The following CIDEC variants were observed in gnomAD, a reference collection of about 807,000 sequenced individuals.
CIDEC encodes lipid transferase CIDEC.
Under a neutral mutation model 21.9 loss-of-function variants are expected in CIDEC, and 11 were observed. The ratio of observed to expected loss-of-function variants is 0.50; its 90% confidence interval spans 0.32 to 0.83. CIDEC has a LOEUF of 0.83. CIDEC is among the 40% of genes least tolerant of loss of function. CIDEC has a pLI of 0.04. For missense variants in CIDEC, 302 were observed against 302.3 expected, an observed-to-expected ratio of 1.00 and a Z score of 0.01; for synonymous variants, 127 against 124.9, an observed-to-expected ratio of 1.02 and a Z score of -0.11.
In CIDEC at chr3:9,871,924, C is replaced by G; in HGVS notation, c.208-1602G>C. ...GGATTATAGGCATGAGCCACTGCAC[C>G]AGGCCCAAAAATCTTTTTTTCGTTT... On this transcript the variant is annotated intron_variant, in intron 4 of 6. Coordinates refer to ENST00000336832, the MANE Select transcript of CIDEC (RefSeq NM_001321142.2). Among the ~76,000 whole-genome samples, 2 of 151,808 alleles carry G rather than the reference C, an allele frequency of 1.3e-5. 1 individual carries two copies. Among genetic ancestry groups the G allele is most frequent in the Admixed American group, 1.3e-4 (2 of 15,248 alleles).
intron 6 of CIDEC, 139 bp from the exon 7 acceptor site, chr3:9,867,435 C>A (rs1039720071): frequency 1.0e-5 from 8 of 801,972 alleles, no homozygotes; most frequent in Non-Finnish European, 1.7e-5. Flanking sequence ...GCATGGCCAA[C>A]ATGGCGAATC....
chr3:9,876,369 G>A (rs1183538531), intron 4 of CIDEC, among the ~76,000 whole-genome samples: 1 of 152,130 alleles, frequency 6.6e-6, no homozygotes, highest in Non-Finnish European at 1.5e-5. Context: ...AGCTTCTTGG[G>A]AGGCTGAGGC....
At chr3:9,871,546 C>A (rs2082347841) in intron 4 of CIDEC, among the ~76,000 whole-genome samples, 1 of 151,990 alleles carries the variant, frequency 6.6e-6, no homozygotes, top group African/African-American at 2.4e-5. Flanking sequence ...CATTTTACAT[C>A]CCCACTAGCA....
At chr3:9,878,847 T>C in intron 2 of CIDEC, 95 bp downstream of exon 2, 1 of 1,534,418 alleles carries the variant, frequency 6.5e-7, no homozygotes, top group Non-Finnish European at 8.7e-7. Context: ...GAAGAAGCCT[T>C]GCCCGATTTG....
rs1290117050 is a variant in CIDEC, at chr3:9,869,986, C to G, written c.450G>C (p.Leu150=). 1 of 1,614,206 alleles carries G rather than the reference C, an allele frequency of 6.2e-7. No homozygotes were observed. The highest frequency in any genetic ancestry group is 8.5e-7 in the Non-Finnish European group (1 of 1,180,028). The part of the protein sequence containing the change: ...VARVTFDLYK[L]NPQDFIGCLN... Reference sequence around the variant, plus strand: ...GGCAGCCAATGAAGTCCTGTGGGTTCAGCTTGTACAGATCAAACGTTACAC... The same window carrying G: ...GGCAGCCAATGAAGTCCTGTGGGTTGAGCTTGTACAGATCAAACGTTACAC... The change falls in exon 6 of 7, where the codon CTG becomes CTC. Residue 150 remains leucine, a synonymous_variant. Coordinates refer to ENST00000336832, the MANE Select transcript of CIDEC (RefSeq NM_001321142.2).
intron 4 of CIDEC, among the ~76,000 whole-genome samples, chr3:9,876,788 A>G (rs2082429818): frequency 6.6e-6 from 1 of 150,416 alleles, no homozygotes; most frequent in Admixed American, 6.6e-5. Context: ...AAAAAAACTA[A>G]TGGAAGTGGG....
intron 1 of CIDEC, among the ~76,000 whole-genome samples, chr3:9,879,626 C>A (rs992915930): frequency 6.6e-6 from 1 of 152,212 alleles, no homozygotes; most frequent in Non-Finnish European, 1.5e-5. Context: ...CCTCTGTGCT[C>A]CAACTCTTGA....
chr3:9,878,400 G>T (rs1559253946), intron 3 of CIDEC, 34 bp downstream of exon 3: 2 of 1,492,652 alleles, frequency 1.3e-6, no homozygotes, highest in Non-Finnish European at 1.9e-6. Context: ...CTCATAGGTG[G>T]CTCTCTTTCC....
chr3:9,871,015 C>T (rs2082340789), intron 4 of CIDEC, among the ~76,000 whole-genome samples: 1 of 151,238 alleles, frequency 6.6e-6, no homozygotes, highest in Non-Finnish European at 1.5e-5. Context: ...ATCTATTTAT[C>T]AGTGGATGAA....
At chr3:9,868,066 G>GATACCAC (rs2082297531) in intron 6 of CIDEC, among the ~76,000 whole-genome samples, 1 of 152,140 alleles carries the variant, frequency 6.6e-6, no homozygotes. Context: ...TACCACTGAG[G>GATACCAC]TGGTAGCACT....
At chr3:9,867,840 A>G (rs1043915109) in intron 6 of CIDEC, among the ~76,000 whole-genome samples, 4 of 148,668 alleles carry the variant, frequency 2.7e-5, no homozygotes, top group African/African-American at 1.0e-4. Context: ...TGAGGCACGA[A>G]AATCACTTGA....
intron 4 of CIDEC, among the ~76,000 whole-genome samples, chr3:9,871,596 C>G (rs1435083019): frequency 1.3e-5 from 2 of 151,924 alleles, no homozygotes; most frequent in Non-Finnish European, 2.9e-5. Flanking sequence ...CTCACTGATG[C>G]TTTCATTGTC....
intron 4 of CIDEC, among the ~76,000 whole-genome samples, chr3:9,870,730 C>G (rs1027985670): frequency 6.6e-6 from 1 of 152,170 alleles, no homozygotes; most frequent in African/African-American, 2.4e-5. Context: ...GCCTCCAACT[C>G]TTGGGCACAA....
intron 4 of CIDEC, among the ~76,000 whole-genome samples, chr3:9,870,814 T>C (rs944795367): frequency 3.9e-5 from 6 of 152,154 alleles, no homozygotes; most frequent in African/African-American, 1.2e-4. Context: ...CTAATGTTTA[T>C]GTTTTTTTAA....
intron 6 of CIDEC, among the ~76,000 whole-genome samples, chr3:9,868,791 C>T (rs2082306653): frequency 6.6e-6 from 1 of 152,070 alleles, no homozygotes; most frequent in Non-Finnish European, 1.5e-5. Context: ...GGGAAAAAGC[C>T]CAATTTTGTA....
At chr3:9,871,333 G>A (rs1575449577) in intron 4 of CIDEC, among the ~76,000 whole-genome samples, 1 of 144,876 alleles carries the variant, frequency 6.9e-6, no homozygotes, top group African/African-American at 2.6e-5. Context: ...TTTGTGCCAT[G>A]TTGCCCAGCT....
At chr3:9,879,310 C>T (rs938819427) in intron 1 of CIDEC, among the ~76,000 whole-genome samples, 2 of 152,034 alleles carry the variant, frequency 1.3e-5, no homozygotes, top group African/African-American at 2.4e-5. Context: ...TGCCACCACG[C>T]CCAGCTAATT....
chr3:9,875,726 G>GT (rs1231312302), intron 4 of CIDEC, among the ~76,000 whole-genome samples: 1 of 152,260 alleles, frequency 6.6e-6, no homozygotes, highest in Non-Finnish European at 1.5e-5. Context: ...GCACATTGAA[G>GT]TATCCAAGAG....
At chr3:9,872,730 G>A (rs542854290) in intron 4 of CIDEC, among the ~76,000 whole-genome samples, 3 of 152,286 alleles carry the variant, frequency 2.0e-5, no homozygotes, top group African/African-American at 4.8e-5. Context: ...GCTCATGCCT[G>A]TAATCCTAGC....
Sources: allele counts gnomAD v4.1 joint callset (sites outside exome capture counted in the v4.1 genomes callset), GRCh38; gene constraint gnomAD v4.1.1; transcripts MANE v1.5; gene names NCBI Gene and HGNC (gene_info 2026-07-23, HGNC 2026-07-21).